RBFOX1: variants seen among roughly 807,000 people sequenced by gnomAD.
The protein encoded by RBFOX1 is RNA binding fox-1 homolog 1, also known as RNA binding protein fox-1 homolog 1.
In RBFOX1, 8 loss-of-function variants were observed where a neutral mutation model predicts 57.7. That is an observed-to-expected ratio of 0.14 (90% CI 0.08 to 0.25). RBFOX1 has a LOEUF of 0.25. Ranked by LOEUF, RBFOX1 falls within the 10% of genes least tolerant of loss-of-function variation. The probability of loss-of-function intolerance (pLI) is 1.00; values close to 1 mark genes in which losing one functional copy is unlikely to be tolerated. For synonymous variants in RBFOX1, 326 were observed against 222.4 expected, an observed-to-expected ratio of 1.47 and a Z score of -4.15; for missense variants, 611 against 548.5, an observed-to-expected ratio of 1.11 and a Z score of -1.14.
At chr16:7,541,673 A>C (rs369310785) in intron 5 of RBFOX1, among the ~76,000 whole-genome samples, 19 of 152,340 alleles carry the variant, frequency 1.2e-4, no homozygotes, top group African/African-American at 4.6e-4. Context: ...GGGAAAGCTC[A>C]AAAGAATTGG....
At chr16:6,025,073 C>A (rs1258738948) in intron 1 of RBFOX1, among the ~76,000 whole-genome samples, 1 of 152,126 alleles carries the variant, frequency 6.6e-6, no homozygotes, top group African/African-American at 2.4e-5. Context: ...AATGGGAAAC[C>A]ATTGGGGGAT....
At chr16:6,574,147 C>G (rs1028278232) in intron 2 of RBFOX1, among the ~76,000 whole-genome samples, 1 of 152,142 alleles carries the variant, frequency 6.6e-6, no homozygotes, top group East Asian at 1.9e-4. Context: ...GGTTTCCATT[C>G]TGGCCTTGCG....
chr16:7,105,170 C>G (rs2063352797), intron 4 of RBFOX1, among the ~76,000 whole-genome samples: 1 of 152,084 alleles, frequency 6.6e-6, no homozygotes. Flanking sequence ...AGTATAGGCC[C>G]ATCCATTAAC....
chr16:5,903,109 T>C (rs924435269), intron 4 of RBFOX1, among the ~76,000 whole-genome samples: 3 of 152,070 alleles, frequency 2.0e-5, no homozygotes, highest in Non-Finnish European at 4.4e-5. Context: ...GGTGTGTGTG[T>C]GTGGGTGTGG....
At chr16:7,268,166 G>T (rs903293103) in intron 4 of RBFOX1, among the ~76,000 whole-genome samples, 5 of 152,178 alleles carry the variant, frequency 3.3e-5, no homozygotes, top group Admixed American at 6.5e-5. Context: ...CATAGAAAAG[G>T]TACTGTAAAA....
chr16:5,538,639 T>C (rs2044801891), intron 2 of RBFOX1, among the ~76,000 whole-genome samples: 1 of 151,900 alleles, frequency 6.6e-6, no homozygotes, highest in Non-Finnish European at 1.5e-5. Flanking sequence ...TTTTTTGTTT[T>C]TTTAAGACAG....
At position 7,286,475 on chromosome 16, in the gene RBFOX1, A is replaced by G. The variant is rs370042872; in HGVS notation, c.28-231672A>G. Among the ~76,000 whole-genome samples the G allele has an allele frequency of 3.4e-4, 44 of 131,168 alleles. 1 individual carries two copies. The South Asian group carries it at 0.01, about 31-fold the overall frequency. The allele number at this position is 131,168 out of a possible 152,430, so 86.1% of individuals were successfully genotyped here. Reference sequence around the variant, plus strand: ...TTTTTTTTTTTTTTTTTTGAGATGGAGTCTTGCTCTGTCACCTAGGCTGGA... The same window carrying G: ...TTTTTTTTTTTTTTTTTTGAGATGGGGTCTTGCTCTGTCACCTAGGCTGGA... On this transcript the variant is annotated intron_variant, in intron 4 of 15. Transcript: ENST00000550418.
intron 3 of RBFOX1, among the ~76,000 whole-genome samples, chr16:6,775,329 C>CAAAA (rs371277644): frequency 3.7e-4 from 25 of 67,218 alleles, no homozygotes; most frequent in South Asian, 1.1e-3. Flanking sequence ...GACTCTGTCT[C>CAAAA]AAAAAAAAAA....
chr16:5,536,166 TTCTTA>T (rs1265788655), intron 2 of RBFOX1, among the ~76,000 whole-genome samples: 1 of 151,304 alleles, frequency 6.6e-6, no homozygotes, highest in Admixed American at 6.6e-5. Flanking sequence ...TCTCATATTT[TTCTTA>T]TGAGTGTTAT....
rs138224879 is a variant in RBFOX1, at chr16:7,526,848, C to G, written c.270+8459C>G. On this transcript the variant is annotated intron_variant, in intron 5 of 15. Coordinates refer to ENST00000550418, the MANE Select transcript of RBFOX1 (RefSeq NM_018723.4). ...AATCACTTACTGAAGGTCACTGTGG[C>G]TGAGAAGCAGGAGTCAGAGCTCAAA... Among the ~76,000 whole-genome samples the G allele has an allele frequency of 8.0e-3, 1,214 of 152,302 alleles. 4 individuals are homozygous for G. Among genetic ancestry groups the G allele is most frequent in the Non-Finnish European group, 0.012 (785 of 68,036 alleles).
At position 6,850,585 on chromosome 16, in the gene RBFOX1, C is replaced by G. The variant is rs1251712720; in HGVS notation, c.-16+195935C>G. Among the ~76,000 whole-genome samples, 9 of 152,302 alleles carry G rather than the reference C, an allele frequency of 5.9e-5. No homozygotes were observed. In the South Asian group the frequency reaches 8.3e-4, roughly 14 times the overall value. Reference sequence around the variant, plus strand: ...AAGATTATATCCCTACTGGCCTTAACAAATTAAAGCACTTCTTCCCATGCC... The same window carrying G: ...AAGATTATATCCCTACTGGCCTTAAGAAATTAAAGCACTTCTTCCCATGCC... On this transcript the variant is annotated intron_variant, in intron 3 of 15. Coordinates refer to ENST00000550418, the MANE Select transcript of RBFOX1 (RefSeq NM_018723.4).
chr16:7,067,732 G>C (rs1281446533), intron 4 of RBFOX1, among the ~76,000 whole-genome samples: 1 of 128,176 alleles, frequency 7.8e-6, no homozygotes, highest in East Asian at 2.3e-4. Flanking sequence ...TCCCCTTCCT[G>C]TGTCCATGTG....
chr16:6,008,916 G>C (rs2094943276), intron 4 of RBFOX1, among the ~76,000 whole-genome samples: 1 of 152,186 alleles, frequency 6.6e-6, no homozygotes, highest in South Asian at 2.1e-4. Context: ...ATCAAAGCAG[G>C]AAGAGGTAGA....
chr16:7,095,358 G>C (rs946345139), intron 4 of RBFOX1, among the ~76,000 whole-genome samples: 2 of 152,062 alleles, frequency 1.3e-5, no homozygotes, highest in Non-Finnish European at 2.9e-5. Flanking sequence ...GGCTGGTCTC[G>C]AACTCCTGAC....
chr16:6,839,825 T>A (rs1194152531), intron 3 of RBFOX1, among the ~76,000 whole-genome samples: 1 of 152,238 alleles, frequency 6.6e-6, no homozygotes, highest in African/African-American at 2.4e-5. Context: ...CGTGTACTCA[T>A]AGCTATAATC....
intron 4 of RBFOX1, among the ~76,000 whole-genome samples, chr16:7,226,050 A>G (rs1303474417): frequency 6.6e-6 from 1 of 151,914 alleles, no homozygotes; most frequent in Non-Finnish European, 1.5e-5. Flanking sequence ...ACTTTATTTC[A>G]TGTCATATTC....
chr16:7,615,624 G>A (rs183029932), intron 10 of RBFOX1, among the ~76,000 whole-genome samples: 43 of 152,120 alleles, frequency 2.8e-4, no homozygotes, highest in Non-Finnish European at 2.9e-4. Flanking sequence ...GTTAACCCAA[G>A]TCCTAGATTA....
intron 5 of RBFOX1, among the ~76,000 whole-genome samples, chr16:7,576,362 A>G (rs1407450932): frequency 6.6e-6 from 1 of 152,208 alleles, no homozygotes; most frequent in Non-Finnish European, 1.5e-5. Context: ...ATCCCACCAT[A>G]TAAAAGGCAT....
intron 3 of RBFOX1, among the ~76,000 whole-genome samples, chr16:7,003,126 G>A (rs2092978999): frequency 6.6e-6 from 1 of 151,910 alleles, no homozygotes; most frequent in Non-Finnish European, 1.5e-5. Context: ...GCGTAAAATG[G>A]GTTTAAAGAA....
Sources: gnomAD v4.1 joint callset for allele counts (sites outside exome capture counted in the v4.1 genomes callset) on GRCh38, gnomAD v4.1.1 for gene constraint, MANE v1.5 for transcripts, NCBI Gene and HGNC (gene_info 2026-07-23, HGNC 2026-07-21) for gene names.